The following CCDC122 variants were observed in gnomAD, a reference collection of about 807,000 sequenced individuals.
The protein encoded by CCDC122 is coiled-coil domain containing 122, also known as coiled-coil domain-containing protein 122.
Under a neutral mutation model 37.0 loss-of-function variants are expected in CCDC122, and 38 were observed. That is an observed-to-expected ratio of 1.03 (90% CI 0.79 to 1.35). The LOEUF (loss-of-function observed/expected upper bound fraction) is 1.35. CCDC122 is among the 40% of genes most tolerant of loss of function. The pLI is 0.00. For missense variants in CCDC122, 305 were observed against 310.0 expected (o/e 0.98, Z 0.12); for synonymous variants, 83 against 95.6 (o/e 0.87, Z 0.77).
intron 6 of CCDC122, 139 bp from the exon 7 acceptor site, chr13:43,837,568 CAG>C: frequency 1.4e-6 from 1 of 705,468 alleles, no homozygotes; most frequent in East Asian, 2.9e-5. Context: ...TAAAAATAAA[CAG>C]TAATTGTAAA....
At chr13:43,850,255 C>G (rs1953678691) in intron 6 of CCDC122, among the ~76,000 whole-genome samples, 2 of 151,982 alleles carry the variant, frequency 1.3e-5, no homozygotes, top group African/African-American at 2.4e-5. Flanking sequence ...AGCATAATAC[C>G]CAACATGTCC....
chr13:43,844,600 G>A (rs1388474816), intron 6 of CCDC122, among the ~76,000 whole-genome samples: 1 of 151,946 alleles, frequency 6.6e-6, no homozygotes, highest in African/African-American at 2.4e-5. Context: ...TATCTGATAT[G>A]ACTATAGATC....
At position 43,837,027 on chromosome 13, in the gene CCDC122, T is replaced by G. The variant is rs1953186758; in HGVS notation, c.*253A>C. Reference sequence around the variant, plus strand: ...TATAATACATTTTACACACTCCAAATAGTCACAGAGACTCTTGCATTATTT... The same window carrying G: ...TATAATACATTTTACACACTCCAAAGAGTCACAGAGACTCTTGCATTATTT... On this transcript the variant is annotated 3_prime_UTR_variant, in exon 7 of 7. Coordinates refer to ENST00000444614, the MANE Select transcript of CCDC122 (RefSeq NM_144974.5). 1 of 398,944 alleles carries G rather than the reference T, an allele frequency of 2.5e-6. No homozygotes were observed. Among genetic ancestry groups the G allele is most frequent in the African/African-American group, 2.0e-5 (1 of 49,106 alleles). The allele number at this position is 398,944 out of a possible 1,614,324, so 24.7% of individuals were successfully genotyped here.
At chr13:43,822,895 C>T (rs1953005384), downstream of CCDC122, among the ~76,000 whole-genome samples, 1 of 152,164 alleles carries the variant, frequency 6.6e-6, no homozygotes, top group African/African-American at 2.4e-5. Context: ...AGAGCCTAGG[C>T]CTGGAACCGG....
At chr13:43,857,830 G>A (rs2153875207) in intron 6 of CCDC122, among the ~76,000 whole-genome samples, 1 of 152,244 alleles carries the variant, frequency 6.6e-6, no homozygotes, top group African/African-American at 2.4e-5. Flanking sequence ...TGGAACCCGG[G>A]AGGCCGAGGC....
intron 6 of CCDC122, among the ~76,000 whole-genome samples, chr13:43,839,302 A>G (rs1331427618): frequency 6.6e-6 from 1 of 152,130 alleles, no homozygotes; most frequent in East Asian, 1.9e-4. Flanking sequence ...CCTTGTATAC[A>G]TTTGCCTATT....
At chr13:43,878,677 T>TA (rs1199056461) in intron 1 of CCDC122, among the ~76,000 whole-genome samples, 2 of 152,238 alleles carry the variant, frequency 1.3e-5, no homozygotes, top group Non-Finnish European at 2.9e-5. Context: ...TTCCATGTCC[T>TA]AACTGCTATT....
chr13:43,863,913 A>T (rs1231505395), intron 4 of CCDC122, among the ~76,000 whole-genome samples: 1 of 152,170 alleles, frequency 6.6e-6, no homozygotes, highest in Non-Finnish European at 1.5e-5. Context: ...TAAAGAAATC[A>T]TTGCCAAGCC....
At chr13:43,844,827 T>A (rs1953466970) in intron 6 of CCDC122, among the ~76,000 whole-genome samples, 1 of 152,168 alleles carries the variant, frequency 6.6e-6, no homozygotes, top group African/African-American at 2.4e-5. Context: ...TTTTTCCTTT[T>A]TTTAACTTTC....
intron 3 of CCDC122, among the ~76,000 whole-genome samples, chr13:43,828,014 G>A (rs1000786716): frequency 6.6e-6 from 1 of 152,186 alleles, no homozygotes; most frequent in Non-Finnish European, 1.5e-5. Context: ...TAGGTAGAAT[G>A]GGATAAAATG....
rs774532802 is a variant in CCDC122 at position 43,860,043 on chromosome 13, T to G, written c.184A>C (p.Ile62Leu). The change falls in exon 5 of 7, where the codon ATA becomes CTA. Residue 62 changes from isoleucine (I) to leucine (L), a missense_variant. By Grantham distance (5) the Ile-to-Leu change is conservative. Transcript: ENST00000444614. Reference sequence around the variant, plus strand: ...TTAGTTTCTGCAGAGATAGCTGCTATTTCTTTTTCAAGCTCATGAAGTTCA... The same window carrying G: ...TTAGTTTCTGCAGAGATAGCTGCTAGTTCTTTTTCAAGCTCATGAAGTTCA... ...KNELHELEKEIAAISAETKET... is the reference protein window; with the variant it reads ...KNELHELEKELAAISAETKET... 3 of 1,531,512 alleles carry G rather than the reference T, an allele frequency of 2.0e-6. No homozygotes were observed. Among genetic ancestry groups the G allele is most frequent in the Non-Finnish European group, 2.6e-6 (3 of 1,138,286 alleles). The allele number at this position is 1,531,512 out of a possible 1,614,324, so 94.9% of individuals were successfully genotyped here. A position where few individuals can be genotyped will look rare whatever the true frequency, so the allele number is the denominator to read the frequency against.
intron 4 of CCDC122, among the ~76,000 whole-genome samples, chr13:43,867,936 C>T (rs1412008963): frequency 2.4e-4 from 36 of 152,040 alleles, no homozygotes; most frequent in Non-Finnish European, 1.5e-5. Context: ...AGGGCCCTAC[C>T]AGTACCATGT....
At position 43,858,720 on chromosome 13, in the gene CCDC122, A is replaced by G. The variant is rs887221260; in HGVS notation, c.672+61T>C. 17 of 1,156,778 alleles carry G rather than the reference A, an allele frequency of 1.5e-5. No individual in the cohort carries two copies. The African/African-American group carries it at 2.6e-4, about 18-fold the overall frequency. 71.7% of individuals were successfully genotyped at this position (1,156,778 alleles called of 1,614,324 possible). Reference sequence around the variant, plus strand: ...GAGAGTAAACTATGGAAATATGAATATAGTGTTAAGTTTTAAAAATGGTCC... The same window carrying G: ...GAGAGTAAACTATGGAAATATGAATGTAGTGTTAAGTTTTAAAAATGGTCC... On this transcript the variant is annotated intron_variant, in intron 6 of 6. Coordinates refer to ENST00000444614, the MANE Select transcript of CCDC122 (RefSeq NM_144974.5).
intron 1 of CCDC122, among the ~76,000 whole-genome samples, chr13:43,876,154 G>A (rs568783636): frequency 2.1e-4 from 32 of 152,280 alleles, no homozygotes; most frequent in African/African-American, 7.2e-4. Context: ...TCTGGCCTCC[G>A]TAACTGTGAG....
chr13:43,871,963 C>T (rs1396423548), intron 2 of CCDC122, among the ~76,000 whole-genome samples: 1 of 152,068 alleles, frequency 6.6e-6, no homozygotes, highest in Non-Finnish European at 1.5e-5. Flanking sequence ...TCTATCACTA[C>T]TCTCTTGTAT....
At chr13:43,854,407 C>A (rs1952136764) in intron 6 of CCDC122, 1 of 152,018 alleles carries the variant, frequency 6.6e-6, no homozygotes, top group African/African-American at 2.4e-5. Flanking sequence ...AGACATACAC[C>A]CTCCCAAGAC....
At chr13:43,822,295 C>T (rs9533632), downstream of CCDC122, among the ~76,000 whole-genome samples, 37 of 152,252 alleles carry the variant, frequency 2.4e-4, no homozygotes, top group African/African-American at 7.2e-4. Flanking sequence ...CTCACTTTCC[C>T]GCAAATGGAG....
At chr13:43,878,030 T>C (rs954940027) in intron 1 of CCDC122, 1 of 152,082 alleles carries the variant, frequency 6.6e-6, no homozygotes, top group Non-Finnish European at 1.5e-5. Context: ...TGAAAGGAAA[T>C]GGTATGCAAA....
At chr13:43,867,112 A>G (rs1254959787) in intron 4 of CCDC122, among the ~76,000 whole-genome samples, 1 of 152,126 alleles carries the variant, frequency 6.6e-6, no homozygotes, top group Admixed American at 6.5e-5. Flanking sequence ...ATTTCCAGTT[A>G]GCTGAGAGTT....
Sources: allele counts gnomAD v4.1 joint callset (sites outside exome capture counted in the v4.1 genomes callset), GRCh38; gene constraint gnomAD v4.1.1; transcripts MANE v1.5; gene names NCBI Gene and HGNC (gene_info 2026-07-23, HGNC 2026-07-21).